The following SEL1L3 variants were observed in gnomAD, a reference collection of about 807,000 sequenced individuals.
SEL1L3 encodes the protein protein sel-1 homolog 3.
Under a neutral mutation model 142.8 loss-of-function variants are expected in SEL1L3, and 76 were observed. The observed-to-expected ratio is 0.53, with a 90% CI of 0.44 to 0.64. The LOEUF (loss-of-function observed/expected upper bound fraction) is 0.64. Ranked by LOEUF, SEL1L3 falls within the 30% of genes least tolerant of loss-of-function variation. The pLI is 0.00. For synonymous variants in SEL1L3, 504 were observed against 519.6 expected, an observed-to-expected ratio of 0.97 and a Z score of 0.41; for missense variants, 1,262 against 1,381.7, an observed-to-expected ratio of 0.91 and a Z score of 1.37.
At chr4:25,749,283 T>G (rs555377691) in intron 23 of SEL1L3, among the ~76,000 whole-genome samples, 9 of 152,166 alleles carry the variant, frequency 5.9e-5, no homozygotes, top group Admixed American at 4.6e-4. Flanking sequence ...AGGAAGTTAA[T>G]GAAGTACTAA....
chr4:25,814,687 G>A (rs1418690564), intron 9 of SEL1L3, among the ~76,000 whole-genome samples: 1 of 152,142 alleles, frequency 6.6e-6, no homozygotes, highest in Non-Finnish European at 1.5e-5. Context: ...AACTGGGAAC[G>A]GCGATAGCGT....
chr4:25,822,229 C>G, intron 6 of SEL1L3, 101 bp from the exon 7 acceptor site: 2 of 1,408,210 alleles, frequency 1.4e-6, no homozygotes, highest in Non-Finnish European at 2.0e-6. Context: ...CCAAATTGCC[C>G]CAAGCCCTTC....
chr4:25,733,681 C>T, the SEL1L3 span, among the ~76,000 whole-genome samples: 56 of 152,040 alleles, frequency 3.7e-4, no homozygotes, highest in East Asian at 7.8e-3. Context: ...CCACCGCGCC[C>T]GGCTAATTTT....
At chr4:25,755,737 C>G (rs916178281) in intron 23 of SEL1L3, among the ~76,000 whole-genome samples, 1 of 152,104 alleles carries the variant, frequency 6.6e-6, no homozygotes, top group Non-Finnish European at 1.5e-5. Context: ...AAAGCAATTC[C>G]ACCCGCCCAT....
chr4:25,851,189 C>T (rs1315490535), intron 1 of SEL1L3, among the ~76,000 whole-genome samples: 2 of 152,182 alleles, frequency 1.3e-5, no homozygotes, highest in Non-Finnish European at 2.9e-5. Flanking sequence ...ATATAATTCA[C>T]ACCACACAAT....
At chr4:25,838,299 G>A (rs892920224) in intron 2 of SEL1L3, among the ~76,000 whole-genome samples, 6 of 152,174 alleles carry the variant, frequency 3.9e-5, no homozygotes, top group African/African-American at 1.4e-4. Context: ...AACATAGAAT[G>A]CCAGGAAAAC....
At chr4:25,771,629 A>G (rs1719211740) in intron 17 of SEL1L3, among the ~76,000 whole-genome samples, 1 of 152,188 alleles carries the variant, frequency 6.6e-6, no homozygotes, top group Non-Finnish European at 1.5e-5. Flanking sequence ...CAAAAAGGTG[A>G]ATTTCTTTCA....
chr4:25,747,900 A>G lies in SEL1L3; in HGVS notation c.*525T>C, dbSNP rs1717343550. On this transcript the variant is annotated 3_prime_UTR_variant, in exon 24 of 24. Transcript: ENST00000399878. ...GCCCTCCCTGCATTTCCAGGCACAA[A>G]CAATTTATTTCAAGGTGCCTTATAA... 1 of 152,818 alleles carries G rather than the reference A, an allele frequency of 6.5e-6. No individual in the cohort carries two copies. The highest frequency in any genetic ancestry group is 1.5e-5 in the Non-Finnish European group (1 of 68,174). 9.5% of individuals were successfully genotyped at this position (152,818 alleles called of 1,614,324 possible). A position where few individuals can be genotyped will look rare whatever the true frequency, so the allele number is the denominator to read the frequency against.
At chr4:25,762,734 C>T (rs1480965724) in intron 20 of SEL1L3, among the ~76,000 whole-genome samples, 3 of 152,188 alleles carry the variant, frequency 2.0e-5, no homozygotes, top group East Asian at 1.9e-4. Context: ...AATCCCAGCA[C>T]TTTGGGAGGC....
chr4:25,747,574 T>A lies in SEL1L3; in HGVS notation c.*851A>T, dbSNP rs58481923. The A allele has an allele frequency of 1.2e-3, 177 of 144,588 alleles. No homozygotes were observed. The highest frequency in any genetic ancestry group is 4.3e-3 in the African/African-American group (161 of 37,774). The allele number at this position is 144,588 out of a possible 1,614,324, so 9.0% of individuals were successfully genotyped here. A position where few individuals can be genotyped will look rare whatever the true frequency, so the allele number is the denominator to read the frequency against. On this transcript the variant is annotated 3_prime_UTR_variant, in exon 24 of 24. Coordinates refer to ENST00000399878, the MANE Select transcript of SEL1L3 (RefSeq NM_015187.5). ...AGACATTCTGCTCTTCCTCTTCCTC[T>A]CTAACACACACACACACACACACAC...
the SEL1L3 span, among the ~76,000 whole-genome samples, chr4:25,716,984 G>A: frequency 1.3e-4 from 19 of 151,854 alleles, no homozygotes; most frequent in Admixed American, 3.3e-4. Context: ...AAAATTAGCC[G>A]GGCATGGTAG....
At chr4:25,743,654 GT>G (rs1717180120), downstream of SEL1L3, among the ~76,000 whole-genome samples, 1 of 152,322 alleles carries the variant, frequency 6.6e-6, no homozygotes, top group Non-Finnish European at 1.5e-5. Flanking sequence ...CTGTTGCATT[GT>G]TTTGAGTTTC....
chr4:25,819,095 G>A (rs1714587578), intron 8 of SEL1L3, among the ~76,000 whole-genome samples: 1 of 152,220 alleles, frequency 6.6e-6, no homozygotes, highest in Admixed American at 6.5e-5. Flanking sequence ...GAACATATGT[G>A]AGTAACTCTA....
At chr4:25,742,303 A>G in the SEL1L3 span, among the ~76,000 whole-genome samples, 1 of 151,966 alleles carries the variant, frequency 6.6e-6, no homozygotes, top group African/African-American at 2.4e-5. Flanking sequence ...CTTCCACCTC[A>G]GCCTCCCGAG....
At chr4:25,811,008 T>C (rs1713986152) in intron 9 of SEL1L3, among the ~76,000 whole-genome samples, 5 of 152,100 alleles carry the variant, frequency 3.3e-5, no homozygotes, top group Admixed American at 3.3e-4. Flanking sequence ...AGCTGTCAAC[T>C]CTCAATGAGC....
At chr4:25,844,638 C>T (rs1284011642) in intron 2 of SEL1L3, among the ~76,000 whole-genome samples, 7 of 152,198 alleles carry the variant, frequency 4.6e-5, no homozygotes, top group Non-Finnish European at 8.8e-5. Context: ...AAACTTCCAG[C>T]TTGCAATTCA....
chr4:25,756,010 G>A (rs1266430907), intron 23 of SEL1L3: 16 of 985,322 alleles, frequency 1.6e-5, no homozygotes, highest in Non-Finnish European at 1.9e-5. Context: ...ATGGGTCCTT[G>A]TTAACCTCCT....
At chr4:25,846,995 G>A (rs1399224699) in intron 2 of SEL1L3, among the ~76,000 whole-genome samples, 2 of 150,854 alleles carry the variant, frequency 1.3e-5, no homozygotes, top group East Asian at 3.9e-4. Context: ...TCCTTGTTTC[G>A]GTGGCATGAA....
chr4:25,804,860 G>C, intron 9 of SEL1L3, 108 bp from the exon 10 acceptor site: 1 of 795,704 alleles, frequency 1.3e-6, no homozygotes, highest in Non-Finnish European at 2.1e-6. Context: ...TGATATGGTC[G>C]GTCCTGCAGT....
Sources: gnomAD v4.1 joint callset for allele counts (sites outside exome capture counted in the v4.1 genomes callset) on GRCh38, gnomAD v4.1.1 for gene constraint, MANE v1.5 for transcripts, NCBI Gene and HGNC (gene_info 2026-07-23, HGNC 2026-07-21) for gene names.